SLC22A15: variants seen among roughly 807,000 people sequenced by gnomAD.
SLC22A15 encodes the protein flipt 1.
In SLC22A15, 45 loss-of-function variants were observed where a neutral mutation model predicts 62.7. The ratio of observed to expected loss-of-function variants is 0.72; its 90% CI spans 0.56 to 0.92. The LOEUF is 0.92. Among genes scored for constraint, SLC22A15 ranks in the 40% least tolerant of loss-of-function variants. SLC22A15 has a pLI of 0.00. For synonymous variants in SLC22A15, 264 were observed against 267.0 expected, an observed-to-expected ratio of 0.99 and a Z score of 0.11; for missense variants, 622 against 665.6, an observed-to-expected ratio of 0.93 and a Z score of 0.72.
chr1:116,035,063 T>C, intron 6 of SLC22A15, 124 bp from the exon 7 acceptor site: 2 of 1,036,046 alleles, frequency 1.9e-6, no homozygotes, highest in Middle Eastern at 2.2e-4. Context: ...GACAAGCTTA[T>C]TGCTTACAGC....
intron 6 of SLC22A15, 117 bp downstream of exon 6, chr1:116,031,698 T>C (rs1251222577): frequency 4.0e-6 from 6 of 1,490,880 alleles, no homozygotes; most frequent in Non-Finnish European, 5.3e-6. Flanking sequence ...AGCTTGAGGT[T>C]GTTTTCTCAA....
chr1:116,067,116 C>T lies in SLC22A15; in HGVS notation c.*8C>T. On this transcript the variant is annotated 3_prime_UTR_variant, in exon 12 of 12. Transcript: ENST00000369503. ...ACTCAGATGATCAAGTGAAGAGCCC[C>T]AGATTCCCCCTAAGAAGCAAAGGAT... 1 of 1,605,342 alleles carries T rather than the reference C, an allele frequency of 6.2e-7. No individual in the cohort carries two copies. Among genetic ancestry groups the T allele is most frequent in the Non-Finnish European group, 8.5e-7 (1 of 1,174,996 alleles).
intron 8 of SLC22A15, among the ~76,000 whole-genome samples, chr1:116,039,678 A>G (rs1657731738): frequency 6.6e-6 from 1 of 152,168 alleles, no homozygotes; most frequent in South Asian, 2.1e-4. Flanking sequence ...TCTTTCATTT[A>G]ATTCATCACT....
At chr1:116,015,661 TA>T (rs1363956900) in intron 2 of SLC22A15, among the ~76,000 whole-genome samples, 10 of 152,208 alleles carry the variant, frequency 6.6e-5, no homozygotes, top group Admixed American at 2.0e-4. Flanking sequence ...CTTGGCCGTG[TA>T]AACAGACTAG....
chr1:116,046,855 G>A (rs991702518), intron 8 of SLC22A15, among the ~76,000 whole-genome samples: 5 of 152,212 alleles, frequency 3.3e-5, no homozygotes, highest in Non-Finnish European at 5.9e-5. Context: ...AAATACAGGG[G>A]TGGAGGAAGC....
Position 116,019,727 on chromosome 1 carries a change from A to T in SLC22A15, c.433+13A>T, listed in dbSNP as rs1656723221. 1 of 1,601,742 alleles carries T rather than the reference A, an allele frequency of 6.2e-7. No homozygotes were observed. The highest frequency in any genetic ancestry group is 1.8e-5 in the Admixed American group (1 of 56,582). ...GTCTATCTCACAGGTAATCTATTAGAGTATTCATAAACTGGATGAGAGGGC... is the reference window on the plus strand; with the variant it reads ...GTCTATCTCACAGGTAATCTATTAGTGTATTCATAAACTGGATGAGAGGGC... On this transcript the variant is annotated intron_variant, in intron 3 of 11. Coordinates refer to ENST00000369503, the MANE Select transcript of SLC22A15 (RefSeq NM_018420.3).
At chr1:115,993,598 C>T (rs1655266322) in intron 2 of SLC22A15, among the ~76,000 whole-genome samples, 1 of 152,042 alleles carries the variant, frequency 6.6e-6, no homozygotes, top group African/African-American at 2.4e-5. Flanking sequence ...TTTTCTTGGC[C>T]TTTTCTTAGG....
At chr1:116,027,417 A>T (rs1392406072) in intron 5 of SLC22A15, 3 of 500,340 alleles carry the variant, frequency 6.0e-6, no homozygotes, top group Non-Finnish European at 1.2e-5. Flanking sequence ...ACAACTGTTC[A>T]TCCTACAGAT....
In SLC22A15 at chr1:116,068,885, A is replaced by G. The variant is rs1263321851; in HGVS notation, c.*1777A>G. 1 of 152,206 alleles carries G rather than the reference A, an allele frequency of 6.6e-6. No individual in the cohort carries two copies. Among genetic ancestry groups the G allele is most frequent in the Non-Finnish European group, 1.5e-5 (1 of 68,042 alleles). The allele number at this position is 152,206 out of a possible 1,614,324, so 9.4% of individuals were successfully genotyped here. A position where few individuals can be genotyped will look rare whatever the true frequency, so the allele number is the denominator to read the frequency against. On this transcript the variant is annotated 3_prime_UTR_variant, in exon 12 of 12. Coordinates refer to ENST00000369503, the MANE Select transcript of SLC22A15 (RefSeq NM_018420.3). ...TGGGCATTTAAAACAGTGAACTAAC[A>G]TATATATAATTTTTGATTAGTTGGA...
At chr1:116,042,481 A>G (rs1012452416) in intron 8 of SLC22A15, among the ~76,000 whole-genome samples, 2 of 152,162 alleles carry the variant, frequency 1.3e-5, no homozygotes, top group East Asian at 3.8e-4. Context: ...AAACTAACAA[A>G]ACATCAGTGA....
At chr1:115,994,751 G>A (rs1401259959) in intron 2 of SLC22A15, among the ~76,000 whole-genome samples, 2 of 152,068 alleles carry the variant, frequency 1.3e-5, no homozygotes, top group East Asian at 1.9e-4. Context: ...TAAAAACAAG[G>A]ATGTTCTCTT....
intron 8 of SLC22A15, among the ~76,000 whole-genome samples, chr1:116,038,961 C>T (rs907828932): frequency 2.6e-5 from 4 of 152,168 alleles, no homozygotes; most frequent in African/African-American, 9.7e-5. Context: ...CCCTAGGACT[C>T]TACATGTGGC....
chr1:116,004,355 C>T (rs1775705), intron 2 of SLC22A15, among the ~76,000 whole-genome samples: 6,552 of 152,180 alleles, frequency 0.043, 179 homozygotes, highest in African/African-American at 0.066. Flanking sequence ...GTGTTCTAGT[C>T]GGCCATCTTG....
At chr1:116,036,573 T>G (rs1362272560) in intron 7 of SLC22A15, among the ~76,000 whole-genome samples, 3 of 152,184 alleles carry the variant, frequency 2.0e-5, no homozygotes, top group African/African-American at 7.2e-5. Flanking sequence ...GTTTCTTCAC[T>G]AAGCCTCCCT....
intron 8 of SLC22A15, among the ~76,000 whole-genome samples, chr1:116,051,192 T>A (rs1658040241): frequency 6.6e-6 from 1 of 152,090 alleles, no homozygotes; most frequent in Admixed American, 6.5e-5. Flanking sequence ...CCATCATTCC[T>A]CACAGAATTA....
At chr1:116,060,968 A>C (rs1247812241) in intron 8 of SLC22A15, among the ~76,000 whole-genome samples, 2 of 152,226 alleles carry the variant, frequency 1.3e-5, no homozygotes, top group Non-Finnish European at 2.9e-5. Flanking sequence ...TTTATAGTTA[A>C]GCAGGGAAGG....
chr1:115,993,481 A>G (rs907910029), intron 2 of SLC22A15, among the ~76,000 whole-genome samples: 2 of 150,568 alleles, frequency 1.3e-5, no homozygotes, highest in Non-Finnish European at 3.0e-5. Context: ...CTGTCTGTAT[A>G]TATGTCTGCA....
chr1:116,047,956 A>G (rs924745748), intron 8 of SLC22A15, among the ~76,000 whole-genome samples: 4 of 152,204 alleles, frequency 2.6e-5, no homozygotes, highest in Non-Finnish European at 5.9e-5. Context: ...TCTCAGCTAT[A>G]GAATTGAACA....
At chr1:116,034,646 T>C (rs1234702367) in intron 6 of SLC22A15, among the ~76,000 whole-genome samples, 2 of 152,212 alleles carry the variant, frequency 1.3e-5, no homozygotes, top group African/African-American at 4.8e-5. Context: ...GGTTAAAACC[T>C]GCAATGGGAA....
Sources: allele counts gnomAD v4.1 joint callset (sites outside exome capture counted in the v4.1 genomes callset), GRCh38; gene constraint gnomAD v4.1.1; transcripts MANE v1.5; gene names NCBI Gene and HGNC (gene_info 2026-07-23, HGNC 2026-07-21).